FAT3: variants seen among roughly 807,000 people sequenced by gnomAD.
FAT3 encodes FAT atypical cadherin 3.
A neutral mutation model predicts 310.2 loss-of-function variants in FAT3; 95 were observed. The observed-to-expected ratio is 0.31, with a 90% CI of 0.26 to 0.36. FAT3 has a LOEUF of 0.36. Ranked by LOEUF, FAT3 falls within the 10% of genes least tolerant of loss-of-function variation. The pLI is 1.00. For synonymous variants in FAT3, 2,314 were observed against 2,192.9 expected, an observed-to-expected ratio of 1.06 and a Z score of -1.54; for missense variants, 5,408 against 5,715.6, an observed-to-expected ratio of 0.95 and a Z score of 1.74.
intron 2 of FAT3, among the ~76,000 whole-genome samples, chr11:92,505,514 G>T (rs911753540): frequency 6.6e-6 from 1 of 152,136 alleles, no homozygotes; most frequent in Non-Finnish European, 1.5e-5. Flanking sequence ...GCAGAGCAAG[G>T]TTACAGAGCT....
At chr11:92,776,659 G>A (rs562172178) in intron 7 of FAT3, among the ~76,000 whole-genome samples, 1 of 152,270 alleles carries the variant, frequency 6.6e-6, no homozygotes, top group East Asian at 1.9e-4. Flanking sequence ...GGGCTGTTTA[G>A]AATTAGTTAG....
At chr11:92,638,534 TG>T (rs1484442981) in intron 3 of FAT3, among the ~76,000 whole-genome samples, 1 of 152,204 alleles carries the variant, frequency 6.6e-6, no homozygotes, top group African/African-American at 2.4e-5. Flanking sequence ...GGGAAAGCAT[TG>T]CTTGGAGTTG....
At chr11:92,537,183 T>G (rs751443338) in intron 3 of FAT3, among the ~76,000 whole-genome samples, 103 of 152,146 alleles carry the variant, frequency 6.8e-4, no homozygotes, top group Admixed American at 1.4e-3. Context: ...GAAATGACAT[T>G]TATTTGCCAT....
At chr11:92,313,414 C>T (rs1034718740) in intron 1 of FAT3, among the ~76,000 whole-genome samples, 11 of 152,148 alleles carry the variant, frequency 7.2e-5, no homozygotes, top group East Asian at 1.9e-4. Context: ...TGATAATATG[C>T]CATGTTTATT....
At chr11:92,651,241 A>G (rs550281986) in intron 3 of FAT3, among the ~76,000 whole-genome samples, 1 of 152,216 alleles carries the variant, frequency 6.6e-6, no homozygotes, top group Non-Finnish European at 1.5e-5. Flanking sequence ...GACCTTGCTC[A>G]GGCAGTTTGT....
intron 2 of FAT3, among the ~76,000 whole-genome samples, chr11:92,397,955 C>T (rs551002355): frequency 2.6e-5 from 4 of 151,994 alleles, no homozygotes; most frequent in Non-Finnish European, 5.9e-5. Flanking sequence ...ACACAAGGAC[C>T]ACCATAACAA....
chr11:92,883,429 T>C lies in FAT3; in HGVS notation c.12937+36T>C, dbSNP rs1264037776. The C allele has an allele frequency of 3.8e-6, 6 of 1,565,154 alleles. No homozygotes were observed. Among genetic ancestry groups the C allele is most frequent in the Non-Finnish European group, 5.2e-6 (6 of 1,153,842 alleles). On this transcript the variant is annotated intron_variant, in intron 24 of 27. Transcript: ENST00000525166. This position sits in a 1 kb window ranked among gnomAD's most constrained non-coding sequence, Gnocchi z 4.2. ...AGTGGTAATGCTCACCCCTCGGTGC[T>C]TACAGGGAACCTGCAGGGGCGCTGT...
intron 2 of FAT3, among the ~76,000 whole-genome samples, chr11:92,482,471 G>A (rs1188553468): frequency 6.6e-6 from 1 of 152,044 alleles, no homozygotes; most frequent in Non-Finnish European, 1.5e-5. Flanking sequence ...AGAAAATAAG[G>A]CTTAAAAAGA....
chr11:92,240,921 T>C (rs2134251797), intron 1 of FAT3, among the ~76,000 whole-genome samples: 1 of 152,124 alleles, frequency 6.6e-6, no homozygotes, highest in Middle Eastern at 3.4e-3. Context: ...CACATCCTTG[T>C]AGAATCCCCC....
chr11:92,794,107 T>C (rs1364180880), intron 9 of FAT3, among the ~76,000 whole-genome samples: 3 of 152,168 alleles, frequency 2.0e-5, no homozygotes, highest in Admixed American at 2.0e-4. Flanking sequence ...TTTCTAGGTT[T>C]CCATGGAATT....
chr11:92,785,319 A>G (rs1045403530), intron 7 of FAT3, among the ~76,000 whole-genome samples: 14 of 152,178 alleles, frequency 9.2e-5, no homozygotes, highest in African/African-American at 3.4e-4. Context: ...TTTTTTTTCT[A>G]TTAGTCAGGA....
intron 2 of FAT3, among the ~76,000 whole-genome samples, chr11:92,502,195 CA>C (rs1037380057): frequency 6.6e-6 from 1 of 152,002 alleles, no homozygotes; most frequent in Non-Finnish European, 1.5e-5. Flanking sequence ...CCATAGAAAT[CA>C]GTGTGGAGAG....
At chr11:92,825,982 C>G (rs1591785050) in intron 13 of FAT3, among the ~76,000 whole-genome samples, 1 of 152,222 alleles carries the variant, frequency 6.6e-6, no homozygotes, top group Non-Finnish European at 1.5e-5. Flanking sequence ...AACCTCTAAA[C>G]TACTATGTCC....
In FAT3 at chr11:92,525,151, C is replaced by T. The variant is rs563531608; in HGVS notation, c.3607+203C>T. Among the ~76,000 whole-genome samples the T allele has an allele frequency of 2.8e-4, 42 of 152,234 alleles. No homozygotes were observed. In the South Asian group the frequency reaches 8.1e-3, roughly 29 times the overall value. Reference sequence around the variant, plus strand: ...TGACACTGAGTGGGAGTGATCTAATCAAAATCAGAGGTTTTCACAAAAGGC... The same window carrying T: ...TGACACTGAGTGGGAGTGATCTAATTAAAATCAGAGGTTTTCACAAAAGGC... On this transcript the variant is annotated intron_variant, in intron 3 of 27. Coordinates refer to ENST00000525166, the MANE Select transcript of FAT3 (RefSeq NM_001367949.2).
intron 6 of FAT3, among the ~76,000 whole-genome samples, chr11:92,769,717 C>T (rs754917516): frequency 1.3e-5 from 2 of 152,200 alleles, no homozygotes; most frequent in Non-Finnish European, 2.9e-5. Context: ...GAAAATGTTT[C>T]TCTGTTGGTG....
chr11:92,352,994 G>T lies in FAT3; in HGVS notation c.882G>T (p.Ala294=), dbSNP rs200428460. The change falls in exon 2 of 28, where the codon GCG becomes GCT. Residue 294 remains alanine, a synonymous_variant. Transcript: ENST00000525166. ...CAGTTGATGACTTAGATGATGGAGC[G>T]AATGGAGAGATCGAATCTGTTTCCA... The part of the protein sequence containing the change: ...VVTVDDLDDG[A]NGEIESVSIV... The T allele has an allele frequency of 1.9e-6, 3 of 1,613,862 alleles. No homozygotes were observed. The highest frequency in any genetic ancestry group is 2.5e-6 in the Non-Finnish European group (3 of 1,179,868).
chr11:92,662,728 A>G (rs1458566194), intron 3 of FAT3, among the ~76,000 whole-genome samples: 1 of 152,192 alleles, frequency 6.6e-6, no homozygotes, highest in African/African-American at 2.4e-5. Context: ...GAGAAAAAGG[A>G]AGGTCTAATC....
intron 2 of FAT3, among the ~76,000 whole-genome samples, chr11:92,504,541 T>C (rs924300733): frequency 1.3e-5 from 2 of 152,168 alleles, no homozygotes; most frequent in African/African-American, 4.8e-5. Context: ...TTTAAAATCC[T>C]ATGTTGCCTA....
chr11:92,405,420 C>G (rs1159484909), intron 2 of FAT3, among the ~76,000 whole-genome samples: 3 of 152,022 alleles, frequency 2.0e-5, no homozygotes. Context: ...GTAATATGAT[C>G]TCATTTAATA....
Sources: gnomAD v4.1 joint callset for allele counts (sites outside exome capture counted in the v4.1 genomes callset) on GRCh38, gnomAD v4.1.1 for gene constraint, Gnocchi (gnomAD v3.1) non-coding constraint, MANE v1.5 for transcripts, NCBI Gene and HGNC (gene_info 2026-07-23, HGNC 2026-07-21) for gene names.